Variants in POU6F2 observed in about 807,000 individuals in gnomAD.
POU6F2 encodes POU domain, class 6, transcription factor 2.
POU6F2 carries 31 observed loss-of-function variants against 71.3 expected under a neutral mutation model. That is an observed-to-expected ratio of 0.43 (90% CI 0.33 to 0.59). The LOEUF (loss-of-function observed/expected upper bound fraction) is 0.59. Ranked by LOEUF, POU6F2 falls within the 20% of genes least tolerant of loss-of-function variation. POU6F2 has a pLI of 0.04. For synonymous variants in POU6F2, 347 were observed against 355.7 expected (o/e 0.98, Z 0.27); for missense variants, 783 against 856.8 (o/e 0.91, Z 1.07).
chr7:39,337,310 G>A (rs1171048893), intron 4 of POU6F2, among the ~76,000 whole-genome samples: 1 of 152,050 alleles, frequency 6.6e-6, no homozygotes, highest in Non-Finnish European at 1.5e-5. Context: ...ATGTATTTCT[G>A]TGTATCCCTT....
intron 4 of POU6F2, among the ~76,000 whole-genome samples, chr7:39,256,177 G>A (rs1784018661): frequency 6.6e-6 from 1 of 150,992 alleles, no homozygotes; most frequent in Admixed American, 6.6e-5. Flanking sequence ...CTCTTCCATA[G>A]CTTTCATTAC....
chr7:39,305,198 G>A (rs1289208334), intron 4 of POU6F2, among the ~76,000 whole-genome samples: 2 of 152,132 alleles, frequency 1.3e-5, no homozygotes, highest in Admixed American at 6.5e-5. Context: ...ATCTTCACAG[G>A]CACTTTACTT....
At chr7:39,139,765 A>C (rs180752193) in intron 2 of POU6F2, among the ~76,000 whole-genome samples, 1 of 152,294 alleles carries the variant, frequency 6.6e-6, no homozygotes, top group East Asian at 1.9e-4. Context: ...CAGTGTGGAC[A>C]TGAGGGATGT....
intron 1 of POU6F2, among the ~76,000 whole-genome samples, chr7:38,988,529 C>G (rs1788517394): frequency 6.6e-6 from 1 of 152,070 alleles, no homozygotes; most frequent in African/African-American, 2.4e-5. Flanking sequence ...TGTAAACTTT[C>G]TTGAATGTCT....
At chr7:39,302,686 G>C (rs1562782690) in intron 4 of POU6F2, among the ~76,000 whole-genome samples, 1 of 152,246 alleles carries the variant, frequency 6.6e-6, no homozygotes, top group Non-Finnish European at 1.5e-5. Context: ...GGAAACTAGA[G>C]TAGAATCAAA....
intron 4 of POU6F2, among the ~76,000 whole-genome samples, chr7:39,321,906 C>CAGAGAGAGAGAT (rs1246458767): frequency 1.3e-5 from 2 of 151,194 alleles, no homozygotes; most frequent in African/African-American, 4.9e-5. Flanking sequence ...GAGAGAGAGA[C>CAGAGAGAGAGAT]AGAGAGAGAG....
At chr7:39,257,771 G>T (rs992395647) in intron 4 of POU6F2, among the ~76,000 whole-genome samples, 1 of 151,648 alleles carries the variant, frequency 6.6e-6, no homozygotes, top group Admixed American at 6.6e-5. Flanking sequence ...AAATTCCACC[G>T]AGAAAACCCA....
chr7:39,095,666 G>A (rs1791441258), intron 2 of POU6F2, among the ~76,000 whole-genome samples: 1 of 152,128 alleles, frequency 6.6e-6, no homozygotes, highest in African/African-American at 2.4e-5. Context: ...ACAAAATCTG[G>A]CTGGGTGACA....
At chr7:39,119,550 G>C (rs888756902) in intron 2 of POU6F2, among the ~76,000 whole-genome samples, 2 of 152,064 alleles carry the variant, frequency 1.3e-5, no homozygotes, top group Non-Finnish European at 2.9e-5. Context: ...CTCCAAAAGA[G>C]AAAGCTATAA....
chr7:39,225,492 C>T (rs1794444982), intron 4 of POU6F2, among the ~76,000 whole-genome samples: 1 of 152,208 alleles, frequency 6.6e-6, no homozygotes, highest in Non-Finnish European at 1.5e-5. Context: ...TTCTTCATCC[C>T]CTACCAAAGG....
chr7:39,077,948 G>A (rs1293595055), intron 1 of POU6F2, among the ~76,000 whole-genome samples: 2 of 152,114 alleles, frequency 1.3e-5, no homozygotes, highest in Non-Finnish European at 1.5e-5. Flanking sequence ...GTCATCACCC[G>A]GTGCAGTGGG....
intron 2 of POU6F2, among the ~76,000 whole-genome samples, chr7:39,116,984 T>C (rs552728970): frequency 1.3e-5 from 2 of 152,306 alleles, no homozygotes; most frequent in South Asian, 4.1e-4. Context: ...TGACATTATG[T>C]AGTGGCACCT....
intron 5 of POU6F2, among the ~76,000 whole-genome samples, chr7:39,392,721 G>A (rs1001913637): frequency 6.6e-6 from 1 of 152,184 alleles, no homozygotes; most frequent in Non-Finnish European, 1.5e-5. Flanking sequence ...GGAACATGGA[G>A]GCTCAGGCGA....
At chr7:39,041,998 A>T (rs1411560374) in intron 1 of POU6F2, among the ~76,000 whole-genome samples, 1 of 151,940 alleles carries the variant, frequency 6.6e-6, no homozygotes, top group Non-Finnish European at 1.5e-5. Context: ...AGAGTGTTGA[A>T]ACTGATAGTT....
At chr7:39,203,552 T>C (rs1265775272) in intron 2 of POU6F2, among the ~76,000 whole-genome samples, 3 of 152,216 alleles carry the variant, frequency 2.0e-5, no homozygotes, top group Non-Finnish European at 4.4e-5. Context: ...AAGGATTTGC[T>C]CTTTGGTGGA....
intron 5 of POU6F2, among the ~76,000 whole-genome samples, chr7:39,355,960 T>C (rs1304857711): frequency 6.6e-6 from 1 of 151,996 alleles, no homozygotes; most frequent in Non-Finnish European, 1.5e-5. Context: ...CTCAGGAAGG[T>C]GCAAGTCGAA....
chr7:39,114,501 T>G (rs1177032666), intron 2 of POU6F2, among the ~76,000 whole-genome samples: 1 of 152,078 alleles, frequency 6.6e-6, no homozygotes, highest in Non-Finnish European at 1.5e-5. Context: ...TAGAAGAAAA[T>G]AAGGTCACAT....
At chr7:39,123,299 T>G (rs1008304023) in intron 2 of POU6F2, among the ~76,000 whole-genome samples, 1 of 152,190 alleles carries the variant, frequency 6.6e-6, no homozygotes, top group Non-Finnish European at 1.5e-5. Flanking sequence ...TGAATACACA[T>G]TCTCCATCCC....
intron 4 of POU6F2, among the ~76,000 whole-genome samples, chr7:39,265,694 T>G (rs1438696909): frequency 6.6e-6 from 1 of 152,222 alleles, no homozygotes; most frequent in Non-Finnish European, 1.5e-5. Flanking sequence ...AGAAGAGATT[T>G]CCATCTCGCT....
Sources: allele counts gnomAD v4.1 joint callset (sites outside exome capture counted in the v4.1 genomes callset), GRCh38; gene constraint gnomAD v4.1.1; transcripts MANE v1.5; gene names NCBI Gene and HGNC (gene_info 2026-07-23, HGNC 2026-07-21).